SLC9C2: variants seen among roughly 807,000 people sequenced by gnomAD.
The protein encoded by SLC9C2 is sodium/hydrogen exchanger 11.
Under a neutral mutation model 140.2 loss-of-function variants are expected in SLC9C2, and 75 were observed. That is an observed-to-expected ratio of 0.53 (90% CI 0.44 to 0.65). The LOEUF (loss-of-function observed/expected upper bound fraction) is 0.65, where lower values mean the gene tolerates loss of function less well. SLC9C2 is among the 30% of genes least tolerant of loss of function. The probability of loss-of-function intolerance (pLI) is 0.00; values close to 1 mark genes in which losing one functional copy is unlikely to be tolerated. For synonymous variants in SLC9C2, 375 were observed against 420.9 expected, an observed-to-expected ratio of 0.89 and a Z score of 1.34; for missense variants, 1,074 against 1,331.8, an observed-to-expected ratio of 0.81 and a Z score of 3.01.
chr1:173,600,072 T>G (rs766210124), intron 3 of SLC9C2, 45 bp downstream of exon 3: 6 of 1,326,258 alleles, frequency 4.5e-6, no homozygotes, highest in Non-Finnish European at 6.3e-6. Flanking sequence ...GACTTTATTT[T>G]TGGCATTTTT....
rs1181806441 is a variant in SLC9C2, at chr1:173,575,645, C to G, written c.902+1016G>C. Among the ~76,000 whole-genome samples the G allele has an allele frequency of 5.3e-5, 8 of 152,166 alleles. No individual in the cohort carries two copies. In the East Asian group the frequency reaches 1.4e-3, roughly 26 times the overall value. ...AGGCTGGAGTGCAGTGGTGCGAACT[C>G]GGCTCACTGCAAGCTCCGCCTCCCG... On this transcript the variant is annotated intron_variant, in intron 8 of 27. Coordinates refer to ENST00000367714, the MANE Select transcript of SLC9C2 (RefSeq NM_178527.4).
At position 173,585,313 on chromosome 1, in the gene SLC9C2, A is replaced by G. The variant is rs550535461; in HGVS notation, c.524-1691T>C. On this transcript the variant is annotated intron_variant, in intron 5 of 27. Coordinates refer to ENST00000367714, the MANE Select transcript of SLC9C2 (RefSeq NM_178527.4). ...TGGGCACCTCATCAAAAGAAACACT[A>G]TTAACATTATAGAAATTGTAGTTCT... is the stretch of plus-strand genomic sequence containing the variant. Among the ~76,000 whole-genome samples, 11 of 152,356 alleles carry G rather than the reference A, an allele frequency of 7.2e-5. No individual in the cohort carries two copies. The East Asian group carries it at 1.7e-3, about 24-fold the overall frequency.
In SLC9C2 at chr1:173,519,633, T is replaced by G. The variant is rs1435776159; in HGVS notation, c.2739+1668A>C. 2.0e-5 allele frequency among the ~76,000 whole-genome samples: 3 copies of G among 152,196 alleles called. No homozygotes were observed. The East Asian group carries it at 5.8e-4, about 29-fold the overall frequency. On this transcript the variant is annotated intron_variant, in intron 22 of 27. Transcript: ENST00000367714. The stretch of plus-strand genomic sequence containing the variant: ...GCAGGAAAATCCCCAAAGAAACATG[T>G]TACAGCAAGTTGCAGCTTTTAAGTA...
chr1:173,526,765 G>C (rs533953513), intron 18 of SLC9C2, 51 bp from the exon 19 acceptor site: 1 of 1,272,900 alleles, frequency 7.9e-7, no homozygotes, highest in South Asian at 1.3e-5. Context: ...TATAGTTTCT[G>C]TAAGAAATTA....
intron 27 of SLC9C2, among the ~76,000 whole-genome samples, chr1:173,501,505 C>CTTTTTTTTTTTT (rs35363966): frequency 1.0e-5 from 1 of 96,318 alleles, no homozygotes; most frequent in African/African-American, 4.0e-5. Flanking sequence ...TTATTTGACT[C>CTTTTTTTTTTTT]TTTTTTTTTT....
At position 173,537,013 on chromosome 1, in the gene SLC9C2, A is replaced by T; in HGVS notation, c.1584T>A (p.Asn528Lys). 1.9e-6 allele frequency: 3 copies of T among 1,613,710 alleles called. No homozygotes were observed. The highest frequency in any genetic ancestry group is 2.5e-6 in the Non-Finnish European group (3 of 1,179,762). Residue 528 changes from asparagine to lysine, a missense_variant, in exon 14 of 28, where the codon AAT (asparagine) becomes AAA (lysine). Physicochemically the swap from Asn to Lys is moderately conservative, Grantham distance 94. Coordinates refer to ENST00000367714, the MANE Select transcript of SLC9C2 (RefSeq NM_178527.4). ...GGGCTGCCTCTATTTCAAGAATTCC[A>T]TTGTTACGCTGTTTTTCAAAGCTAC... Reference protein sequence around the residue: ...QMSSFEKQRNNGILEIEAARI... With the variant: ...QMSSFEKQRNKGILEIEAARI...
At chr1:173,598,568 CAAT>C (rs1434221257) in intron 3 of SLC9C2, among the ~76,000 whole-genome samples, 1 of 152,094 alleles carries the variant, frequency 6.6e-6, no homozygotes, top group African/African-American at 2.4e-5. Flanking sequence ...GAAAATACAA[CAAT>C]AATGATTGAA....
At chr1:173,578,450 GT>G (rs1411091135) in intron 7 of SLC9C2, among the ~76,000 whole-genome samples, 1 of 152,198 alleles carries the variant, frequency 6.6e-6, no homozygotes, top group Non-Finnish European at 1.5e-5. Context: ...CTTTTTCTGA[GT>G]TTGCTTTCAG....
intron 7 of SLC9C2, 48 bp from the exon 8 acceptor site, chr1:173,576,808 C>G: frequency 1.8e-6 from 2 of 1,112,188 alleles, no homozygotes; most frequent in Non-Finnish European, 1.3e-6. Context: ...GTATTCATAT[C>G]TGCACACTGA....
At chr1:173,550,884 G>T (rs1663241672) in intron 11 of SLC9C2, among the ~76,000 whole-genome samples, 1 of 83,362 alleles carries the variant, frequency 1.2e-5, no homozygotes, top group South Asian at 6.9e-4. Flanking sequence ...GAGAGAGAGA[G>T]AGAGAGAGAG....
chr1:173,589,378 C>T (rs780482346), intron 4 of SLC9C2, among the ~76,000 whole-genome samples: 8 of 151,938 alleles, frequency 5.3e-5, no homozygotes, highest in East Asian at 1.9e-4. Context: ...GACAAGAGAG[C>T]GAGACCTTGC....
chr1:173,513,852 C>G (rs1660220969), intron 23 of SLC9C2, among the ~76,000 whole-genome samples: 1 of 152,148 alleles, frequency 6.6e-6, no homozygotes, highest in Non-Finnish European at 1.5e-5. Flanking sequence ...GGTATGTTGT[C>G]TCTTTGTTCT....
At chr1:173,521,268 T>TAAAAAA in intron 22 of SLC9C2, 33 bp downstream of exon 22, 1 of 972,644 alleles carries the variant, frequency 1.0e-6, no homozygotes, top group South Asian at 1.8e-5. Flanking sequence ...ACATTTTAAG[T>TAAAAAA]AAAAAAAAAA....
At chr1:173,552,470 A>C (rs950848890) in intron 11 of SLC9C2, among the ~76,000 whole-genome samples, 1 of 152,232 alleles carries the variant, frequency 6.6e-6, no homozygotes, top group African/African-American at 2.4e-5. Context: ...GCTTCAAAGG[A>C]CAGACTAACT....
chr1:173,572,567 C>T (rs561762211), intron 9 of SLC9C2, among the ~76,000 whole-genome samples: 1 of 152,304 alleles, frequency 6.6e-6, no homozygotes, highest in Non-Finnish European at 1.5e-5. Context: ...AATAAGGATG[C>T]TCATGGAGTC....
intron 4 of SLC9C2, chr1:173,596,325 T>C (rs1270849926): frequency 6.6e-6 from 1 of 152,114 alleles, no homozygotes; most frequent in Non-Finnish European, 1.5e-5. Flanking sequence ...GGCAAGTATA[T>C]ATTTAACTTT....
chr1:173,550,681 C>T (rs1191098550), intron 11 of SLC9C2, among the ~76,000 whole-genome samples: 1 of 151,800 alleles, frequency 6.6e-6, no homozygotes, highest in Non-Finnish European at 1.5e-5. Context: ...TTGTGATCCG[C>T]CCGCCTTGGC....
intron 4 of SLC9C2, among the ~76,000 whole-genome samples, chr1:173,590,668 A>G (rs1666108174): frequency 6.6e-6 from 1 of 152,202 alleles, no homozygotes; most frequent in Non-Finnish European, 1.5e-5. Context: ...TAAGGGTTAT[A>G]TGAACACAAG....
In SLC9C2 at chr1:173,587,830, C is replaced by A; in HGVS notation, c.358G>T (p.Val120Phe). 1.9e-6 allele frequency: 3 copies of A among 1,609,434 alleles called. No homozygotes were observed. Among genetic ancestry groups the A allele is most frequent in the Non-Finnish European group, 2.5e-6 (3 of 1,177,592 alleles). The change falls in exon 5 of 28, where the codon GTC (valine) becomes TTC (phenylalanine). Residue 120 changes from valine to phenylalanine, a missense_variant and splice_region_variant. Coordinates refer to ENST00000367714, the MANE Select transcript of SLC9C2 (RefSeq NM_178527.4). Reference sequence around the variant, plus strand: ...AAGCTAATTAATCCAGTTAACAAGACCTGTGAACCAATTCATAACACAGTA... The same window carrying A: ...AAGCTAATTAATCCAGTTAACAAGAACTGTGAACCAATTCATAACACAGTA... ...FYTLKKMFWQ[V>F]LLTGLISFST...
Sources: gnomAD v4.1 joint callset for allele counts (sites outside exome capture counted in the v4.1 genomes callset) on GRCh38, gnomAD v4.1.1 for gene constraint, MANE v1.5 for transcripts, NCBI Gene and HGNC (gene_info 2026-07-23, HGNC 2026-07-21) for gene names.